The following NKAIN2 variants were observed in gnomAD, a reference collection of about 807,000 sequenced individuals.
The protein encoded by NKAIN2 is sodium/potassium transporting ATPase interacting 2.
NKAIN2 carries 14 observed loss-of-function variants against 32.6 expected under a neutral mutation model. The ratio of observed to expected loss-of-function variants is 0.43; its 90% confidence interval spans 0.28 to 0.67. NKAIN2 has a LOEUF of 0.67. NKAIN2 is among the 30% of genes least tolerant of loss of function. NKAIN2 has a pLI of 0.17. For synonymous variants in NKAIN2, 80 were observed against 87.2 expected, an observed-to-expected ratio of 0.92 and a Z score of 0.46; for missense variants, 198 against 258.3, an observed-to-expected ratio of 0.77 and a Z score of 1.60.
chr6:124,228,938 A>G (rs1200611029), intron 1 of NKAIN2, among the ~76,000 whole-genome samples: 4 of 152,146 alleles, frequency 2.6e-5, no homozygotes, highest in Non-Finnish European at 4.4e-5. Context: ...TTTTATCACA[A>G]AAACATAAGG....
At chr6:124,047,951 G>T (rs891836546) in intron 1 of NKAIN2, among the ~76,000 whole-genome samples, 3 of 151,906 alleles carry the variant, frequency 2.0e-5, no homozygotes, top group African/African-American at 7.3e-5. Context: ...TACTAACTAG[G>T]TCCAGCTGGA....
intron 3 of NKAIN2, among the ~76,000 whole-genome samples, chr6:124,406,596 C>A (rs954387152): frequency 1.3e-5 from 2 of 151,888 alleles, no homozygotes; most frequent in Non-Finnish European, 2.9e-5. Context: ...GGGTTAATTC[C>A]CAGTGGTATA....
chr6:124,213,741 A>C (rs983236036), intron 1 of NKAIN2, among the ~76,000 whole-genome samples: 19 of 152,172 alleles, frequency 1.2e-4, no homozygotes, highest in African/African-American at 4.6e-4. Flanking sequence ...TTATTGTAAA[A>C]TCCATATAGT....
chr6:124,512,179 G>C (rs1044625295), intron 3 of NKAIN2, among the ~76,000 whole-genome samples: 1 of 152,138 alleles, frequency 6.6e-6, no homozygotes, highest in Non-Finnish European at 1.5e-5. Flanking sequence ...CTAATGGAAA[G>C]GATGTATATT....
chr6:124,724,674 TTAA>T (rs1213332757), intron 4 of NKAIN2, among the ~76,000 whole-genome samples: 1 of 152,222 alleles, frequency 6.6e-6, no homozygotes, highest in Admixed American at 6.5e-5. Context: ...GAATAGTTTA[TTAA>T]TAATATAAGA....
chr6:124,071,566 A>C (rs1441944405), intron 1 of NKAIN2, among the ~76,000 whole-genome samples: 1 of 152,198 alleles, frequency 6.6e-6, no homozygotes, highest in African/African-American at 2.4e-5. Context: ...AAATATTCAC[A>C]AACTATGCAC....
At chr6:124,774,580 G>T (rs544049040) in intron 4 of NKAIN2, among the ~76,000 whole-genome samples, 96 of 152,230 alleles carry the variant, frequency 6.3e-4, no homozygotes, top group Middle Eastern at 6.8e-3. Context: ...CCTTGGCTGG[G>T]CACGGTGGCT....
At chr6:124,185,446 A>G (rs1300295026) in intron 1 of NKAIN2, among the ~76,000 whole-genome samples, 1 of 152,192 alleles carries the variant, frequency 6.6e-6, no homozygotes, top group Non-Finnish European at 1.5e-5. Flanking sequence ...ATGCTGATAC[A>G]AAGAATGTTT....
chr6:124,245,663 T>C (rs898535364), intron 1 of NKAIN2, among the ~76,000 whole-genome samples: 11 of 152,104 alleles, frequency 7.2e-5, no homozygotes, highest in Non-Finnish European at 1.3e-4. Context: ...AACTGGAATA[T>C]ATCATTGTGT....
At chr6:124,196,841 A>G (rs866161813) in intron 1 of NKAIN2, among the ~76,000 whole-genome samples, 49 of 152,036 alleles carry the variant, frequency 3.2e-4, no homozygotes, top group Admixed American at 9.2e-4. Context: ...CTTTATTAAT[A>G]TGTTTTCATT....
intron 1 of NKAIN2, among the ~76,000 whole-genome samples, chr6:124,155,748 A>T (rs1787953004): frequency 6.6e-6 from 1 of 152,180 alleles, no homozygotes; most frequent in Non-Finnish European, 1.5e-5. Flanking sequence ...GAACTGACAC[A>T]TGATGGTAAT....
chr6:124,501,472 G>A (rs753972366), intron 3 of NKAIN2, among the ~76,000 whole-genome samples: 44 of 152,124 alleles, frequency 2.9e-4, no homozygotes, highest in Non-Finnish European at 5.6e-4. Context: ...AAAACATTTC[G>A]CGGTGTTAAT....
At chr6:124,682,398 C>T (rs918215162) in intron 4 of NKAIN2, among the ~76,000 whole-genome samples, 5 of 152,080 alleles carry the variant, frequency 3.3e-5, no homozygotes, top group Non-Finnish European at 7.4e-5. Context: ...TCTGTTAAAA[C>T]ATTCATATTC....
At chr6:124,714,672 T>C (rs1015573542) in intron 4 of NKAIN2, among the ~76,000 whole-genome samples, 1 of 152,210 alleles carries the variant, frequency 6.6e-6, no homozygotes, top group African/African-American at 2.4e-5. Flanking sequence ...CTTACAGATC[T>C]AATTTTCATC....
intron 3 of NKAIN2, among the ~76,000 whole-genome samples, chr6:124,473,889 G>A (rs1036289649): frequency 3.3e-5 from 5 of 152,168 alleles, no homozygotes; most frequent in East Asian, 1.9e-4. Context: ...CCTCAAGACA[G>A]TGTGCAAACA....
At chr6:124,015,175 A>G (rs1326834154) in intron 1 of NKAIN2, among the ~76,000 whole-genome samples, 2 of 152,054 alleles carry the variant, frequency 1.3e-5, no homozygotes, top group East Asian at 3.9e-4. Flanking sequence ...AATGCATATT[A>G]TATTTATATT....
At chr6:124,114,499 G>A (rs1785521305) in intron 1 of NKAIN2, among the ~76,000 whole-genome samples, 1 of 151,994 alleles carries the variant, frequency 6.6e-6, no homozygotes, top group African/African-American at 2.4e-5. Context: ...GGCTATATGA[G>A]TTTAAGTTCA....
At chr6:124,804,520 G>T (rs1379260268) in intron 5 of NKAIN2, 1 of 692,360 alleles carries the variant, frequency 1.4e-6, no homozygotes. Flanking sequence ...GAGCCAAGAT[G>T]GCCGAACAGG....
chr6:124,358,809 G>A (rs903537540), intron 3 of NKAIN2, among the ~76,000 whole-genome samples: 26 of 151,300 alleles, frequency 1.7e-4, no homozygotes, highest in African/African-American at 5.6e-4. Context: ...GGCTTTTGTT[G>A]CCATTGCTTT....
Sources: allele counts gnomAD v4.1 joint callset (sites outside exome capture counted in the v4.1 genomes callset), GRCh38; gene constraint gnomAD v4.1.1; transcripts MANE v1.5; gene names NCBI Gene and HGNC (gene_info 2026-07-23, HGNC 2026-07-21).